Variants in DPYD observed in about 807,000 individuals in gnomAD.
The protein encoded by DPYD is dihydropyrimidine dehydrogenase.
DPYD carries 109 observed loss-of-function variants against 116.2 expected under a neutral mutation model. That is an observed-to-expected ratio of 0.94 (90% CI 0.80 to 1.10). DPYD has a LOEUF of 1.10. DPYD is among the 50% of genes least tolerant of loss of function. DPYD has a pLI of 0.00. For synonymous variants in DPYD, 440 were observed against 432.0 expected (o/e 1.02, Z -0.23); for missense variants, 1,302 against 1,254.5 (o/e 1.04, Z -0.57).
At chr1:97,871,451 A>T (rs974637996) in intron 2 of DPYD, among the ~76,000 whole-genome samples, 1 of 151,816 alleles carries the variant, frequency 6.6e-6, no homozygotes, top group African/African-American at 2.4e-5. Context: ...AGCAGTTAGT[A>T]GCCCTGCAGG....
chr1:97,421,150 CTA>C (rs1212239039), intron 14 of DPYD, among the ~76,000 whole-genome samples: 2 of 152,090 alleles, frequency 1.3e-5, no homozygotes, highest in Non-Finnish European at 2.9e-5. Context: ...AGTTTCCTAG[CTA>C]TAAAATGGAT....
intron 7 of DPYD, among the ~76,000 whole-genome samples, chr1:97,683,742 A>G (rs1660557122): frequency 6.6e-6 from 1 of 152,084 alleles, no homozygotes; most frequent in South Asian, 2.1e-4. Flanking sequence ...AAATCAATTG[A>G]GAGTATGCTT....
intron 20 of DPYD, among the ~76,000 whole-genome samples, chr1:97,173,295 C>CATATATGTACACAT (rs773327264): frequency 0.03 from 3,874 of 127,344 alleles, 160 homozygotes; most frequent in African/African-American, 0.094. Flanking sequence ...TATATGTACA[C>CATATATGTACACAT]ATATGTACAT....
chr1:97,349,027 C>T (rs911971476), intron 16 of DPYD, among the ~76,000 whole-genome samples: 4 of 152,134 alleles, frequency 2.6e-5, no homozygotes, highest in South Asian at 2.1e-4. Flanking sequence ...AGAAAAGCTA[C>T]GGAGTAGTGA....
At chr1:97,858,728 G>A (rs1381047905) in intron 2 of DPYD, among the ~76,000 whole-genome samples, 1 of 151,902 alleles carries the variant, frequency 6.6e-6, no homozygotes, top group Non-Finnish European at 1.5e-5. Context: ...ACAAGCCTTT[G>A]GGGAAAAAAT....
intron 11 of DPYD, among the ~76,000 whole-genome samples, chr1:97,553,165 A>C (rs1427616809): frequency 2.0e-5 from 3 of 151,996 alleles, no homozygotes. Context: ...AAGCACATGT[A>C]ATATTCATAT....
At chr1:97,577,805 T>C (rs1653364982) in intron 10 of DPYD, among the ~76,000 whole-genome samples, 1 of 151,904 alleles carries the variant, frequency 6.6e-6, no homozygotes, top group African/African-American at 2.4e-5. Flanking sequence ...AAGTATTGTC[T>C]TATTATTTTT....
intron 14 of DPYD, among the ~76,000 whole-genome samples, chr1:97,409,338 C>T (rs1041771632): frequency 6.6e-6 from 1 of 152,006 alleles, no homozygotes; most frequent in Non-Finnish European, 1.5e-5. Flanking sequence ...CTGGTGGGTA[C>T]AAGAGTGGTA....
At chr1:97,216,821 G>C (rs917883773) in intron 19 of DPYD, among the ~76,000 whole-genome samples, 2 of 151,924 alleles carry the variant, frequency 1.3e-5, no homozygotes, top group African/African-American at 4.8e-5. Flanking sequence ...AAGTGTTTGA[G>C]AAGAGGATGC....
At chr1:97,368,115 A>G (rs1671133482) in intron 16 of DPYD, among the ~76,000 whole-genome samples, 1 of 152,078 alleles carries the variant, frequency 6.6e-6, no homozygotes, top group Non-Finnish European at 1.5e-5. Context: ...TTGTATGCAA[A>G]AAGGTATAGT....
At chr1:97,816,826 T>G (rs755888744) in intron 3 of DPYD, among the ~76,000 whole-genome samples, 13 of 152,186 alleles carry the variant, frequency 8.5e-5, no homozygotes, top group Non-Finnish European at 1.8e-4. Flanking sequence ...TGTGACTTAT[T>G]CAATTTCAAA....
At chr1:97,210,146 G>T (rs1659943214) in intron 19 of DPYD, among the ~76,000 whole-genome samples, 1 of 152,088 alleles carries the variant, frequency 6.6e-6, no homozygotes, top group Non-Finnish European at 1.5e-5. Flanking sequence ...AATCTGACCA[G>T]TTAAACAAAA....
In DPYD at chr1:97,439,517, T is replaced by C. The variant is rs539847176; in HGVS notation, c.1905+10542A>G. Among the ~76,000 whole-genome samples the C allele has an allele frequency of 9.3e-4, 142 of 152,314 alleles. 1 individual carries two copies. The highest frequency in any genetic ancestry group is 2.9e-4 in the Non-Finnish European group (20 of 68,028). ...CATTTACATAATGTTGTTCATAATA[T>C]GATGTCATTTTCCTTTTAATATCTG... On this transcript the variant is annotated intron_variant, in intron 14 of 22. Coordinates refer to ENST00000370192, the MANE Select transcript of DPYD (RefSeq NM_000110.4).
At chr1:97,198,950 A>G (rs966336073) in intron 19 of DPYD, among the ~76,000 whole-genome samples, 2 of 152,134 alleles carry the variant, frequency 1.3e-5, no homozygotes, top group African/African-American at 4.8e-5. Context: ...AAAGCACCAA[A>G]TAGCCTCCTC....
intron 12 of DPYD, among the ~76,000 whole-genome samples, chr1:97,540,151 T>A (rs1267442787): frequency 2.0e-5 from 3 of 147,376 alleles, no homozygotes; most frequent in Admixed American, 1.3e-4. Flanking sequence ...ATAGCACCAG[T>A]TCCTACAGGT....
chr1:97,579,255 A>G (rs184014499), intron 10 of DPYD, among the ~76,000 whole-genome samples: 17 of 152,356 alleles, frequency 1.1e-4, no homozygotes, highest in Non-Finnish European at 1.8e-4. Flanking sequence ...AATGATTGGC[A>G]CACAGTAGAC....
intron 13 of DPYD, among the ~76,000 whole-genome samples, chr1:97,470,097 C>G (rs979339628): frequency 6.6e-5 from 10 of 152,082 alleles, no homozygotes; most frequent in Admixed American, 2.0e-4. Context: ...TTAAGAGATA[C>G]AGGTATATAT....
chr1:97,487,723 A>C lies in DPYD; in HGVS notation c.1740+28003T>G, dbSNP rs111657624. Among the ~76,000 whole-genome samples, 764 of 152,282 alleles carry C rather than the reference A, an allele frequency of 5.0e-3. 11 individuals are homozygous for C. The highest frequency in any genetic ancestry group is 0.018 in the African/African-American group (733 of 41,564). On this transcript the variant is annotated intron_variant, in intron 13 of 22. Transcript: ENST00000370192. ...AAAACAATGAGATATCATAACATGCATAAGAGAACTGCTAAAATAATTTTT... is the reference window on the plus strand; with the variant it reads ...AAAACAATGAGATATCATAACATGCCTAAGAGAACTGCTAAAATAATTTTT...
chr1:97,445,017 C>T (rs963796215), intron 14 of DPYD, among the ~76,000 whole-genome samples: 5 of 152,116 alleles, frequency 3.3e-5, no homozygotes, highest in Non-Finnish European at 7.4e-5. Context: ...AAAACAAGCA[C>T]CTCTGCACTT....
Sources: allele counts gnomAD v4.1 joint callset (sites outside exome capture counted in the v4.1 genomes callset), GRCh38; gene constraint gnomAD v4.1.1; transcripts MANE v1.5; gene names NCBI Gene and HGNC (gene_info 2026-07-23, HGNC 2026-07-21).